Variants in SEZ6L observed in about 807,000 individuals in gnomAD.
SEZ6L encodes the protein seizure 6-like protein.
A neutral mutation model predicts 106.2 loss-of-function variants in SEZ6L; 37 were observed. The ratio of observed to expected loss-of-function variants is 0.35; its 90% CI spans 0.27 to 0.46. SEZ6L has a LOEUF of 0.46. Among genes scored for constraint, SEZ6L ranks in the 20% least tolerant of loss-of-function variants. The pLI is 1.00. For synonymous variants in SEZ6L, 541 were observed against 570.4 expected, an observed-to-expected ratio of 0.95 and a Z score of 0.73; for missense variants, 1,172 against 1,332.8, an observed-to-expected ratio of 0.88 and a Z score of 1.88.
At chr22:26,180,489 T>C (rs1939321084) in intron 1 of SEZ6L, among the ~76,000 whole-genome samples, 2 of 152,254 alleles carry the variant, frequency 1.3e-5, no homozygotes, top group South Asian at 2.1e-4. Context: ...ATGAATGATA[T>C]GCAGTCTTCA....
intron 13 of SEZ6L, among the ~76,000 whole-genome samples, chr22:26,373,142 A>G (rs1056149815): frequency 1.3e-5 from 2 of 152,236 alleles, no homozygotes; most frequent in Admixed American, 6.5e-5. Context: ...CAAGATTGTT[A>G]TGAGGATTAA....
At chr22:26,226,648 T>G (rs188644150) in intron 1 of SEZ6L, among the ~76,000 whole-genome samples, 2 of 152,208 alleles carry the variant, frequency 1.3e-5, no homozygotes, top group South Asian at 2.1e-4. Flanking sequence ...TGTGGATAAG[T>G]TTACTGAACA....
At chr22:26,250,642 C>T (rs143460097) in intron 1 of SEZ6L, among the ~76,000 whole-genome samples, 2 of 152,066 alleles carry the variant, frequency 1.3e-5, no homozygotes, top group African/African-American at 2.4e-5. Flanking sequence ...TTTGGCTATT[C>T]GGGATCTTTT....
At chr22:26,189,529 C>G (rs1364526233) in intron 1 of SEZ6L, among the ~76,000 whole-genome samples, 1 of 152,032 alleles carries the variant, frequency 6.6e-6, no homozygotes, top group Non-Finnish European at 1.5e-5. Context: ...AATAACAATA[C>G]AATGATAGAA....
intron 1 of SEZ6L, among the ~76,000 whole-genome samples, chr22:26,278,987 A>AGGGACGAAGGGAGGGAGGGAGGGAGGAC (rs1291165877): frequency 1.9e-5 from 2 of 106,684 alleles, no homozygotes; most frequent in Admixed American, 8.0e-5. Context: ...GGAGGGAGGG[A>AGGGACGAAGGGAGGGAGGGAGGGAGGAC]GGAAGGAAGG....
intron 14 of SEZ6L, among the ~76,000 whole-genome samples, chr22:26,373,908 G>A (rs1456677594): frequency 6.6e-6 from 1 of 152,126 alleles, no homozygotes; most frequent in African/African-American, 2.4e-5. Context: ...ATTTTTCCCT[G>A]AGTCTTTTTT....
At chr22:26,218,562 G>C (rs1279923884) in intron 1 of SEZ6L, among the ~76,000 whole-genome samples, 1 of 152,252 alleles carries the variant, frequency 6.6e-6, no homozygotes, top group Admixed American at 6.5e-5. Flanking sequence ...AGCAATTTGG[G>C]AGGCTGAAGT....
rs139321948 is a variant in SEZ6L at position 26,188,739 on chromosome 22, G to C, written c.94+18976G>C. Among the ~76,000 whole-genome samples the C allele has an allele frequency of 6.0e-4, 91 of 152,254 alleles. 1 individual carries two copies. Among genetic ancestry groups the C allele is most frequent in the African/African-American group, 2.1e-3 (86 of 41,534 alleles). On this transcript the variant is annotated intron_variant, in intron 1 of 16. Transcript: ENST00000248933. Reference sequence around the variant, plus strand: ...AACGAAGGATGTGCAGTTAGTTCAGGTTCAACAGAAAAGCCATAGCTCTAA... The same window carrying C: ...AACGAAGGATGTGCAGTTAGTTCAGCTTCAACAGAAAAGCCATAGCTCTAA...
At chr22:26,266,810 A>C (rs2080206547) in intron 1 of SEZ6L, among the ~76,000 whole-genome samples, 2 of 151,954 alleles carry the variant, frequency 1.3e-5, no homozygotes, top group Non-Finnish European at 2.9e-5. Flanking sequence ...AGCAGAGTAG[A>C]GGCTCAATCA....
At chr22:26,281,640 A>C (rs1482507406) in intron 1 of SEZ6L, among the ~76,000 whole-genome samples, 1 of 152,008 alleles carries the variant, frequency 6.6e-6, no homozygotes, top group Non-Finnish European at 1.5e-5. Context: ...GGCCTTCCAA[A>C]GTGCTGGGAT....
At chr22:26,270,257 C>CTGTTGT (rs1436095286) in intron 1 of SEZ6L, among the ~76,000 whole-genome samples, 1 of 152,162 alleles carries the variant, frequency 6.6e-6, no homozygotes, top group Non-Finnish European at 1.5e-5. Context: ...GATATTATTG[C>CTGTTGT]TGTTGTTCTT....
intron 1 of SEZ6L, among the ~76,000 whole-genome samples, chr22:26,190,371 T>C (rs1354949021): frequency 6.6e-6 from 1 of 152,142 alleles, no homozygotes; most frequent in Non-Finnish European, 1.5e-5. Context: ...GATATATACA[T>C]ATATATTTTA....
At chr22:26,200,884 C>G (rs1213238532) in intron 1 of SEZ6L, among the ~76,000 whole-genome samples, 1 of 152,086 alleles carries the variant, frequency 6.6e-6, no homozygotes, top group Non-Finnish European at 1.5e-5. Flanking sequence ...AACACATTCC[C>G]CACCTCTCAG....
At chr22:26,173,085 C>T (rs1397062160) in intron 1 of SEZ6L, among the ~76,000 whole-genome samples, 1 of 152,176 alleles carries the variant, frequency 6.6e-6, no homozygotes, top group Non-Finnish European at 1.5e-5. Flanking sequence ...TATCTGAACT[C>T]CCATTTCACC....
intron 1 of SEZ6L, among the ~76,000 whole-genome samples, chr22:26,290,028 C>T (rs914771131): frequency 2.5e-4 from 38 of 152,216 alleles, no homozygotes; most frequent in African/African-American, 8.9e-4. Flanking sequence ...GGGTGAGGCG[C>T]TGTCCTAAGT....
At chr22:26,229,934 C>A (rs2078747046) in intron 1 of SEZ6L, among the ~76,000 whole-genome samples, 1 of 152,252 alleles carries the variant, frequency 6.6e-6, no homozygotes, top group Admixed American at 6.5e-5. Flanking sequence ...GGCCCAAATT[C>A]TCTTGCTAAA....
At chr22:26,351,785 G>A (rs1039509826) in intron 12 of SEZ6L, among the ~76,000 whole-genome samples, 2 of 152,074 alleles carry the variant, frequency 1.3e-5, no homozygotes, top group Non-Finnish European at 2.9e-5. Flanking sequence ...GATCTCAAAT[G>A]ATCCACCCGC....
intron 12 of SEZ6L, among the ~76,000 whole-genome samples, chr22:26,355,598 T>C (rs1168399234): frequency 1.3e-5 from 2 of 152,128 alleles, no homozygotes; most frequent in East Asian, 1.9e-4. Context: ...GACTTGATGG[T>C]GAGCACCTGC....
At chr22:26,368,923 A>G (rs2083908714) in intron 13 of SEZ6L, among the ~76,000 whole-genome samples, 1 of 152,086 alleles carries the variant, frequency 6.6e-6, no homozygotes, top group Non-Finnish European at 1.5e-5. Context: ...CCCGCATCTC[A>G]TGACTGTAAA....
Sources: allele counts gnomAD v4.1 joint callset (sites outside exome capture counted in the v4.1 genomes callset), GRCh38; gene constraint gnomAD v4.1.1; transcripts MANE v1.5; gene names NCBI Gene and HGNC (gene_info 2026-07-23, HGNC 2026-07-21).